Variants in CSMD1 observed in about 807,000 individuals in gnomAD.
CSMD1 encodes the protein CUB and Sushi multiple domains 1.
Under a neutral mutation model 417.5 loss-of-function variants are expected in CSMD1, and 213 were observed. The ratio of observed to expected loss-of-function variants is 0.51; its 90% confidence interval spans 0.46 to 0.57. The LOEUF (loss-of-function observed/expected upper bound fraction) is 0.57, where lower values mean the gene tolerates loss of function less well. CSMD1 is among the 20% of genes least tolerant of loss of function. The pLI, the probability that CSMD1 is intolerant of heterozygous loss-of-function variation, is 0.00. For missense variants in CSMD1, 6,923 were observed against 4,529.7 expected, an observed-to-expected ratio of 1.53 and a Z score of -15.17; for synonymous variants, 2,862 against 1,736.8, an observed-to-expected ratio of 1.65 and a Z score of -16.11.
intron 1 of CSMD1, among the ~76,000 whole-genome samples, chr8:4,790,402 T>A (rs1220927273): frequency 6.6e-6 from 1 of 152,180 alleles, no homozygotes; most frequent in African/African-American, 2.4e-5. Flanking sequence ...ATAGCCATAC[T>A]TCCCAGAGCA....
chr8:3,949,781 A>G (rs796618338), intron 5 of CSMD1, among the ~76,000 whole-genome samples: 5 of 152,248 alleles, frequency 3.3e-5, no homozygotes, highest in African/African-American at 1.2e-4. Flanking sequence ...AGCCACAAGC[A>G]CTGTTGCCTC....
intron 6 of CSMD1, among the ~76,000 whole-genome samples, chr8:3,725,717 G>C (rs1245437346): frequency 1.3e-5 from 2 of 152,158 alleles, no homozygotes; most frequent in African/African-American, 2.4e-5. Context: ...AGAGTAGGCA[G>C]AGGGCCACAT....
At chr8:4,266,071 A>C (rs1296733973) in intron 3 of CSMD1, among the ~76,000 whole-genome samples, 2 of 103,530 alleles carry the variant, frequency 1.9e-5, no homozygotes, top group African/African-American at 5.3e-5. Context: ...TCACCTGCCC[A>C]CCGCACATAG....
intron 9 of CSMD1, among the ~76,000 whole-genome samples, chr8:3,584,167 C>G (rs934071752): frequency 2.0e-5 from 3 of 152,046 alleles, no homozygotes; most frequent in African/African-American, 4.8e-5. Context: ...AACTGAAGTA[C>G]TATTCAATGT....
chr8:2,951,448 G>A lies in CSMD1; in HGVS notation c.10040-173C>T, dbSNP rs73657527. On this transcript the variant is annotated intron_variant, in intron 65 of 69. Transcript: ENST00000635120. The stretch of plus-strand genomic sequence containing the variant: ...TTCACAGCACGTGCAAAACTCAAAA[G>A]AAGCAGGTGCGAAGATTATTATGGT... 4.2e-3 allele frequency among the ~76,000 whole-genome samples: 637 copies of A among 152,298 alleles called. 4 individuals carry two copies. Among genetic ancestry groups the A allele is most frequent in the African/African-American group, 0.014 (594 of 41,558 alleles).
At chr8:4,434,261 G>C (rs1281295120) in intron 2 of CSMD1, among the ~76,000 whole-genome samples, 3 of 152,150 alleles carry the variant, frequency 2.0e-5, no homozygotes, top group Admixed American at 6.5e-5. Flanking sequence ...AGCTACTCAG[G>C]AGGCTGAGGC....
intron 1 of CSMD1, among the ~76,000 whole-genome samples, chr8:4,904,625 C>G (rs938313551): frequency 5.3e-5 from 8 of 152,066 alleles, no homozygotes; most frequent in African/African-American, 1.9e-4. Context: ...AGGGAGCGCC[C>G]AACCATCCAA....
intron 5 of CSMD1, among the ~76,000 whole-genome samples, chr8:3,862,914 A>T (rs1804816690): frequency 6.6e-6 from 1 of 152,140 alleles, no homozygotes; most frequent in Non-Finnish European, 1.5e-5. Context: ...ATAGCAAATT[A>T]CATTTGTCTG....
intron 3 of CSMD1, among the ~76,000 whole-genome samples, chr8:4,041,218 C>G (rs1472662177): frequency 6.6e-6 from 1 of 151,898 alleles, no homozygotes; most frequent in African/African-American, 2.4e-5. Context: ...GGGGTTTCAC[C>G]GTGTTAGCCA....
At chr8:4,894,530 G>C (rs1249422935) in intron 1 of CSMD1, among the ~76,000 whole-genome samples, 2 of 144,728 alleles carry the variant, frequency 1.4e-5, no homozygotes, top group African/African-American at 5.2e-5. Flanking sequence ...TCCAGCCTGG[G>C]GACAACAGCG....
intron 18 of CSMD1, among the ~76,000 whole-genome samples, chr8:3,381,040 T>C (rs1024901819): frequency 6.6e-6 from 1 of 152,140 alleles, no homozygotes; most frequent in Middle Eastern, 3.2e-3. Context: ...AAATTATGTA[T>C]CTCAAATGAG....
intron 2 of CSMD1, among the ~76,000 whole-genome samples, chr8:4,427,979 C>G (rs911729299): frequency 1.3e-5 from 2 of 152,172 alleles, no homozygotes; most frequent in Non-Finnish European, 2.9e-5. Context: ...TGCTGTGACA[C>G]CTCATTGGCC....
intron 50 of CSMD1, among the ~76,000 whole-genome samples, chr8:3,042,725 A>T (rs1441874935): frequency 6.6e-6 from 1 of 152,176 alleles, no homozygotes; most frequent in African/African-American, 2.4e-5. Context: ...GAGCTCAGAG[A>T]TTTAACTCGT....
At chr8:3,452,156 A>G (rs943466551) in intron 12 of CSMD1, among the ~76,000 whole-genome samples, 2 of 152,226 alleles carry the variant, frequency 1.3e-5, no homozygotes, top group African/African-American at 4.8e-5. Context: ...TGATTTTTGC[A>G]CACTGATTTT....
At chr8:3,962,163 C>G (rs752184427) in intron 5 of CSMD1, among the ~76,000 whole-genome samples, 2 of 152,124 alleles carry the variant, frequency 1.3e-5, no homozygotes, top group South Asian at 4.1e-4. Flanking sequence ...CTTCATAGAC[C>G]TGCTCTGCTG....
chr8:3,637,140 C>G (rs954766528), intron 7 of CSMD1, among the ~76,000 whole-genome samples: 1 of 152,148 alleles, frequency 6.6e-6, no homozygotes, highest in Non-Finnish European at 1.5e-5. Context: ...CCCGTTTGTG[C>G]TATTCTGTTA....
At chr8:4,748,900 C>G (rs1252643529) in intron 1 of CSMD1, among the ~76,000 whole-genome samples, 4 of 152,240 alleles carry the variant, frequency 2.6e-5, no homozygotes, top group South Asian at 2.1e-4. Flanking sequence ...TCCTGTTACT[C>G]TGAAGGTTCT....
chr8:4,519,738 A>G (rs13248457), intron 2 of CSMD1, among the ~76,000 whole-genome samples: 99,687 of 106,642 alleles, frequency 0.93, 46,549 homozygotes, highest in East Asian at 0.97. Flanking sequence ...GTCAGACTTC[A>G]TCTCAAAAAA....
At position 3,177,853 on chromosome 8, in the gene CSMD1, C is replaced by T. The variant is rs1004757851; in HGVS notation, c.5725+3257G>A. Reference sequence around the variant, plus strand: ...TTCCAGGATAAATCAATATTATCACCGTTCACACAGTTGCACTCTAAGATA... The same window carrying T: ...TTCCAGGATAAATCAATATTATCACTGTTCACACAGTTGCACTCTAAGATA... On this transcript the variant is annotated intron_variant, in intron 37 of 69. Coordinates refer to ENST00000635120, the MANE Select transcript of CSMD1 (RefSeq NM_033225.6). 4.0e-5 allele frequency among the ~76,000 whole-genome samples: 6 copies of T among 151,292 alleles called. 1 individual carries two copies. Among genetic ancestry groups the T allele is most frequent in the Admixed American group, 3.3e-4 (5 of 15,194 alleles).
Sources: allele counts gnomAD v4.1 joint callset (sites outside exome capture counted in the v4.1 genomes callset), GRCh38; gene constraint gnomAD v4.1.1; transcripts MANE v1.5; gene names NCBI Gene and HGNC (gene_info 2026-07-23, HGNC 2026-07-21).